XAGE2: variants seen among roughly 807,000 people sequenced by gnomAD.
XAGE2 encodes G antigen family D member 3.
A neutral mutation model predicts 9.9 loss-of-function variants in XAGE2; 7 were observed. The ratio of observed to expected loss-of-function variants is 0.71; its 90% CI spans 0.40 to 1.32. The LOEUF (loss-of-function observed/expected upper bound fraction) is 1.32. Among genes scored for constraint, XAGE2 ranks in the 40% most tolerant of loss-of-function variants. XAGE2 has a pLI of 0.01. For synonymous variants in XAGE2, 31 were observed against 26.8 expected (o/e 1.16, Z -0.48); for missense variants, 85 against 81.0 (o/e 1.05, Z -0.19).
intron 3 of XAGE2, among the ~76,000 whole-genome samples, chrX:52,372,235 C>G (rs1335542916): frequency 9.1e-6 from 1 of 110,372 alleles, no homozygotes; most frequent in Admixed American, 9.7e-5. Context: ...TGGCATGTGC[C>G]TATAGTCTCA....
chrX:52,375,600 A>C lies in XAGE2; in HGVS notation c.*9A>C. On this transcript the variant is annotated 3_prime_UTR_variant, in exon 5 of 5. Coordinates refer to ENST00000286049, the MANE Select transcript of XAGE2 (RefSeq NM_130777.3). ...GGAAATCACAGGTTTAAAGGAAGAT[A>C]AGCTGAAACAACACAAACTGTTTTT... 1 of 1,197,399 alleles carries C rather than the reference A, an allele frequency of 8.4e-7. No homozygotes were observed. Among genetic ancestry groups the C allele is most frequent in the Non-Finnish European group, 1.1e-6 (1 of 884,760 alleles).
chrX:52,375,643 T>G lies in XAGE2; in HGVS notation c.*52T>G. On this transcript the variant is annotated 3_prime_UTR_variant, in exon 5 of 5. Coordinates refer to ENST00000286049, the MANE Select transcript of XAGE2 (RefSeq NM_130777.3). The stretch of plus-strand genomic sequence containing the variant: ...CTGTTTTTATATTAGATATTTTACT[T>G]TAAAATATCTTAATAAAGTTTTAAG... 1 of 1,010,281 alleles carries G rather than the reference T, an allele frequency of 9.9e-7. No homozygotes were observed. The highest frequency in any genetic ancestry group is 1.4e-6 in the Non-Finnish European group (1 of 729,827). 83.3% of individuals were successfully genotyped at this position (1,010,281 alleles called of 1,213,427 possible).
At chrX:52,374,300 G>A (rs1280263448) in intron 4 of XAGE2, among the ~76,000 whole-genome samples, 1 of 111,840 alleles carries the variant, frequency 8.9e-6, no homozygotes, top group African/African-American at 3.2e-5. Context: ...GCAGCAGCAT[G>A]ATCTTGGCTG....
chrX:52,371,153 A>G (rs1298889370), intron 3 of XAGE2, among the ~76,000 whole-genome samples: 1 of 112,020 alleles, frequency 8.9e-6, no homozygotes, highest in Non-Finnish European at 1.9e-5. Context: ...TCAGAGATAG[A>G]GGCTTACCAA....
At position 52,373,468 on chromosome X, in the gene XAGE2, G is replaced by A. The variant is rs1287911769; in HGVS notation, c.313+799G>A. ...CTACTTTCTGTGGCCAATGAAGTAGGGAGAATGCATGTAGGTCAGTCATGC... is the reference window on the plus strand; with the variant it reads ...CTACTTTCTGTGGCCAATGAAGTAGAGAGAATGCATGTAGGTCAGTCATGC... On this transcript the variant is annotated intron_variant, in intron 4 of 4. Transcript: ENST00000286049. Among the ~76,000 whole-genome samples the A allele has an allele frequency of 2.7e-5, 3 of 111,540 alleles. No individual in the cohort carries two copies. The East Asian group carries it at 8.5e-4, about 31-fold the overall frequency.
At position 52,370,091 on chromosome X, in the gene XAGE2, T is replaced by C. The variant is rs1921154132; in HGVS notation, c.77T>C (p.Met26Thr). 9.1e-6 allele frequency: 11 copies of C among 1,209,670 alleles called. No individual in the cohort carries two copies. Among genetic ancestry groups the C allele is most frequent in the Non-Finnish European group, 1.1e-5 (10 of 893,742 alleles). Residue 26 changes from methionine (M) to threonine (T), a missense_variant, in exon 2 of 5, where the codon ATG becomes ACG. Transcript: ENST00000286049. ...CAGCCTCCTGAGCTGATTGGGGCTA[T>C]GCTTGTGAGTGCTTTAATATTTTGA... ...SLQPPELIGA[M>T]LEPTDEEPKE...
intron 3 of XAGE2, 120 bp from the exon 4 acceptor site, chrX:52,372,424 T>C (rs1014747289): frequency 1.2e-5 from 11 of 927,121 alleles, no homozygotes; most frequent in Non-Finnish European, 1.5e-5. Flanking sequence ...TTGCATCACA[T>C]TTATTATCAC....
At chrX:52,372,745 A>G in intron 4 of XAGE2, 76 bp downstream of exon 4, 1 of 1,121,947 alleles carries the variant, frequency 8.9e-7, no homozygotes, top group Non-Finnish European at 1.2e-6. Context: ...ATAGAGAGAT[A>G]ATATTACTGC....
intron 4 of XAGE2, among the ~76,000 whole-genome samples, chrX:52,374,693 G>C (rs1441476577): frequency 1.8e-5 from 2 of 111,684 alleles, no homozygotes; most frequent in African/African-American, 6.5e-5. Context: ...GTTGTCCCTT[G>C]ATAATATTTA....
chrX:52,372,967 A>G (rs1475306414), intron 4 of XAGE2, among the ~76,000 whole-genome samples: 5 of 112,507 alleles, frequency 4.4e-5, no homozygotes, highest in African/African-American at 1.6e-4. Context: ...TTTAACAAAT[A>G]CATAATGCAT....
chrX:52,371,169 C>T (rs1921182070), intron 3 of XAGE2, among the ~76,000 whole-genome samples: 1 of 111,891 alleles, frequency 8.9e-6, no homozygotes, highest in Non-Finnish European at 1.9e-5. Flanking sequence ...ACCAAGAACG[C>T]TTGAGTCATG....
intron 3 of XAGE2, among the ~76,000 whole-genome samples, chrX:52,371,107 G>A (rs1245637566): frequency 9.0e-6 from 1 of 111,405 alleles, no homozygotes; most frequent in Admixed American, 9.6e-5. Context: ...TTTGCATAGG[G>A]ATATTAGCCC....
chrX:52,373,625 G>A (rs1188322269), intron 4 of XAGE2, among the ~76,000 whole-genome samples: 1 of 111,727 alleles, frequency 9.0e-6, no homozygotes, highest in Non-Finnish European at 1.9e-5. Context: ...CATATTACAG[G>A]TTTCTGCCTT....
At position 52,375,677 on chromosome X, in the gene XAGE2, C is replaced by A; in HGVS notation, c.*86C>A. 1 of 855,735 alleles carries A rather than the reference C, an allele frequency of 1.2e-6. No homozygotes were observed. Among genetic ancestry groups the A allele is most frequent in the Non-Finnish European group, 1.6e-6 (1 of 609,385 alleles). The allele number at this position is 855,735 out of a possible 1,213,427, so 70.5% of individuals were successfully genotyped here. The stretch of plus-strand genomic sequence containing the variant: ...CTTAATAAAGTTTTAAGCTTTTCTC[C>A]AAAGAAGTCTTGCACATCTTCTGTT... On this transcript the variant is annotated 3_prime_UTR_variant, in exon 5 of 5. Coordinates refer to ENST00000286049, the MANE Select transcript of XAGE2 (RefSeq NM_130777.3).
intron 4 of XAGE2, 78 bp from the exon 5 acceptor site, chrX:52,375,491 T>A: frequency 9.3e-7 from 1 of 1,076,284 alleles, no homozygotes; most frequent in Non-Finnish European, 1.3e-6. Context: ...ACAAAAACTT[T>A]GGTGTCATTT....
chrX:52,370,153 T>C, intron 2 of XAGE2, 58 bp downstream of exon 2: 1 of 1,081,289 alleles, frequency 9.2e-7, no homozygotes, highest in Non-Finnish European at 1.3e-6. Context: ...TGTGATAGTG[T>C]TGTTGAACTA....
chrX:52,372,491 T>A, intron 3 of XAGE2, 53 bp from the exon 4 acceptor site: 1 of 1,195,084 alleles, frequency 8.4e-7, no homozygotes, highest in Non-Finnish European at 1.1e-6. Flanking sequence ...ATTACTTCCT[T>A]ATTTATACTT....
intron 3 of XAGE2, among the ~76,000 whole-genome samples, chrX:52,372,150 G>A (rs1921207428): frequency 9.0e-6 from 1 of 110,907 alleles, no homozygotes; most frequent in Non-Finnish European, 1.9e-5. Flanking sequence ...TGAGAGTTAG[G>A]AACTAGCCTG....
intron 4 of XAGE2, among the ~76,000 whole-genome samples, chrX:52,373,027 G>A (rs1292055940): frequency 8.9e-6 from 1 of 112,626 alleles, no homozygotes; most frequent in East Asian, 2.8e-4. Context: ...GGAGATTCTA[G>A]TAGCAGCTCT....
Sources: allele counts gnomAD v4.1 joint callset (sites outside exome capture counted in the v4.1 genomes callset), GRCh38; gene constraint gnomAD v4.1.1; transcripts MANE v1.5; gene names NCBI Gene and HGNC (gene_info 2026-07-23, HGNC 2026-07-21).